Variants in CROCC observed in about 807,000 individuals in gnomAD.
CROCC encodes rootletin.
CROCC carries 180 observed loss-of-function variants against 245.2 expected under a neutral mutation model. The ratio of observed to expected loss-of-function variants is 0.73; its 90% CI spans 0.65 to 0.83. The LOEUF is 0.83. Among genes scored for constraint, CROCC ranks in the 40% least tolerant of loss-of-function variants. CROCC has a pLI of 0.00. For missense variants in CROCC, 2,688 were observed against 2,779.4 expected (o/e 0.97, Z 0.74); for synonymous variants, 1,205 against 1,241.6 (o/e 0.97, Z 0.62).
At chr1:16,962,346 C>A (rs1372916102) in intron 27 of CROCC, among the ~76,000 whole-genome samples, 1 of 150,254 alleles carries the variant, frequency 6.7e-6, no homozygotes, top group South Asian at 2.1e-4. Context: ...GAGATCGAGA[C>A]CACAGTGAAA....
chr1:16,921,141 C>T (rs953046204), upstream of CROCC, among the ~76,000 whole-genome samples: 4 of 152,296 alleles, frequency 2.6e-5, no homozygotes, highest in African/African-American at 9.6e-5. Context: ...TGGGTATGCA[C>T]ACACGATACT....
At chr1:16,943,671 A>G (rs1356934521) in intron 13 of CROCC, among the ~76,000 whole-genome samples, 3 of 152,278 alleles carry the variant, frequency 2.0e-5, no homozygotes, top group Admixed American at 6.5e-5. Context: ...CGTGGCCACC[A>G]TGTGCCTGTG....
rs984444214 is a variant in CROCC at position 16,922,048 on chromosome 1, G to A, written c.30G>A (p.Glu10=). 2 of 1,550,818 alleles carry A rather than the reference G, an allele frequency of 1.3e-6. No individual in the cohort carries two copies. The highest frequency in any genetic ancestry group is 2.0e-5 in the Admixed American group (1 of 50,836). MSLGLAGAQ[E]VELTLETVIQ... ...GCTTGGGGCTGGCGGGGGCACAGGA[G>A]GTGGAGCTGACACTAGAGACGGTTA... The change falls in exon 1 of 37, where the codon GAG becomes GAA. Residue 10 remains glutamate, a synonymous_variant. Coordinates refer to ENST00000375541, the MANE Select transcript of CROCC (RefSeq NM_014675.5).
chr1:16,965,527 C>T, intron 27 of CROCC, among the ~76,000 whole-genome samples, 196 bp from the exon 28 acceptor site: 1 of 152,186 alleles, frequency 6.6e-6, no homozygotes, highest in South Asian at 2.1e-4. Context: ...TGTTCTAGAA[C>T]ATGGGAGATG....
intron 3 of CROCC, among the ~76,000 whole-genome samples, chr1:16,927,663 C>T (rs1557580164): frequency 6.6e-6 from 1 of 152,288 alleles, no homozygotes; most frequent in African/African-American, 2.4e-5. Context: ...TGACAAAATA[C>T]ACCCCACTCG....
At position 16,930,338 on chromosome 1, in the gene CROCC, AGCAGCAGAGGTGAGGGC is replaced by A. The variant is rs752574607; in HGVS notation, c.682_683+15del. On this transcript the variant is annotated splice_donor_variant and splice_donor_5th_base_variant and coding_sequence_variant and intron_variant, in exon 6 of 37. Transcript: ENST00000375541. LOFTEE classifies it high-confidence loss of function. ...AGCGCCCTCATCCGGCTGGAGGAGGAGCAGCAGAGGTGAGGGCGCAGCAGGGAGGGCCAGGGCTGGCA... is the reference window on the plus strand; with the variant it reads ...AGCGCCCTCATCCGGCTGGAGGAGGAGCAGCAGGGAGGGCCAGGGCTGGCA... 29 of 1,610,418 alleles carry A rather than the reference AGCAGCAGAGGTGAGGGC, an allele frequency of 1.8e-5. 1 individual carries two copies. Among genetic ancestry groups the A allele is most frequent in the Admixed American group, 1.0e-4 (6 of 59,728 alleles).
intron 25 of CROCC, among the ~76,000 whole-genome samples, chr1:16,956,821 T>C (rs1015527973): frequency 1.3e-5 from 2 of 152,092 alleles, no homozygotes; most frequent in African/African-American, 4.8e-5. Context: ...ACCCGTGAAT[T>C]CGATGATCTG....
intron 8 of CROCC, among the ~76,000 whole-genome samples, chr1:16,934,211 T>C (rs552028697): frequency 6.6e-6 from 1 of 152,390 alleles, no homozygotes; most frequent in South Asian, 2.1e-4. Context: ...ATTAGAATTC[T>C]GGAATGAGGC....
At position 16,971,402 on chromosome 1, in the gene CROCC, C is replaced by T. The variant is rs894401475; in HGVS notation, c.5785-63C>T. On this transcript the variant is annotated intron_variant, in intron 35 of 36. Transcript: ENST00000375541. ...TGTCCCAGGGAGGTACCTGACAACC[C>T]GTCACACATGCACACACACACTCAC... The T allele has an allele frequency of 2.6e-5, 38 of 1,457,260 alleles. No individual in the cohort carries two copies. In the East Asian group the frequency reaches 5.3e-4, roughly 20 times the overall value. 90.3% of individuals were successfully genotyped at this position (1,457,260 alleles called of 1,614,324 possible).
chr1:16,944,201 G>A lies in CROCC; in HGVS notation c.1910G>A (p.Arg637Gln), dbSNP rs201410489. The change falls in exon 14 of 37, where the codon CGG becomes CAG. Residue 637 changes from arginine to glutamine, a missense_variant. Arg to Gln is a conservative substitution (Grantham distance 43). Transcript: ENST00000375541. The stretch of plus-strand genomic sequence containing the variant: ...CTGCAGGCTGCCCAGGAGGAGCTGC[G>A]GCGCCAGCGGGACCGGCTGGAGGAA... ...EKLQAAQEEL[R>Q]RQRDRLEEEQ... 1,267 of 1,554,922 alleles carry A rather than the reference G, an allele frequency of 8.1e-4. 9 individuals carry two copies. Among genetic ancestry groups the A allele is most frequent in the East Asian group, 3.0e-3 (123 of 41,680 alleles).
chr1:16,937,865 C>T (rs1455680907), intron 10 of CROCC, 128 bp downstream of exon 10: 1 of 800,010 alleles, frequency 1.2e-6, no homozygotes, highest in African/African-American at 1.7e-5. Flanking sequence ...GTTCAGCCCT[C>T]ACAGGTGTGC....
chr1:16,926,450 G>T (rs1350023363), intron 3 of CROCC, among the ~76,000 whole-genome samples: 1 of 152,264 alleles, frequency 6.6e-6, no homozygotes, highest in African/African-American at 2.4e-5. Context: ...AGGTGGCAGT[G>T]CCTGCCCCTG....
Position 16,954,434 on chromosome 1 carries a change from G to A in CROCC, c.3321+77G>A, listed in dbSNP as rs975239397. 6.5e-6 allele frequency: 10 copies of A among 1,527,460 alleles called. No homozygotes were observed. Among genetic ancestry groups the A allele is most frequent in the Middle Eastern group, 2.2e-4 (1 of 4,484 alleles). The allele number at this position is 1,527,460 out of a possible 1,614,324, so 94.6% of individuals were successfully genotyped here. A position where few individuals can be genotyped will look rare whatever the true frequency, so the allele number is the denominator to read the frequency against. ...GGCTGAGGAGCCCCCACCACGGGGC[G>A]GCATGGCCCTGTCCTGGAGAAGCTT... On this transcript the variant is annotated intron_variant, in intron 22 of 36. Coordinates refer to ENST00000375541, the MANE Select transcript of CROCC (RefSeq NM_014675.5). The surrounding 1 kb of genome is among the most constrained non-coding windows in gnomAD (Gnocchi z 4.4).
In CROCC at chr1:16,954,486, CCTT is replaced by C; in HGVS notation, c.3321+133_3321+135del. The C allele has an allele frequency of 1.5e-6, 2 of 1,357,418 alleles. No individual in the cohort carries two copies. Among genetic ancestry groups the C allele is most frequent in the Non-Finnish European group, 2.0e-6 (2 of 1,012,032 alleles). The allele number at this position is 1,357,418 out of a possible 1,614,324, so 84.1% of individuals were successfully genotyped here. On this transcript the variant is annotated intron_variant, in intron 22 of 36. Transcript: ENST00000375541. This position sits in a 1 kb window ranked among gnomAD's most constrained non-coding sequence, Gnocchi z 4.4. ...CAGGCTGTGGGAAAGGAGGTTTAGC[CCTT>C]CTTTTGGGAGCCCCCATCTGAGGGA...
intron 12 of CROCC, among the ~76,000 whole-genome samples, 192 bp from the exon 13 acceptor site, chr1:16,939,701 AG>A (rs2075880367): frequency 2.0e-5 from 3 of 152,314 alleles, no homozygotes; most frequent in Admixed American, 2.0e-4. Flanking sequence ...GAGGGCTCAG[AG>A]GGTGGCGAGG....
rs1411266397 is a variant in CROCC at position 16,936,672 on chromosome 1, C to T, written c.992C>T (p.Thr331Ile). 12 of 1,598,554 alleles carry T rather than the reference C, an allele frequency of 7.5e-6. No homozygotes were observed. Among genetic ancestry groups the T allele is most frequent in the Non-Finnish European group, 1.0e-5 (12 of 1,172,564 alleles). ...LLQLGGELAR[T>I]SRAVQEAGLG... ...CAGCTGGGAGGGGAGCTGGCCCGGA[C>T]ATCACGAGCTGTCCAGGAGGCGGGC... Residue 331 changes from threonine (T) to isoleucine (I), a missense_variant, in exon 9 of 37, where the codon ACA becomes ATA. This residue lies in a region of CROCC where 972 missense variants were observed against 895.3 expected (regional missense o/e 1.09). Transcript: ENST00000375541.
chr1:16,961,089 G>C lies in CROCC; in HGVS notation c.4364G>C (p.Arg1455Pro). ...GGTCGCGCGCCCAGCCCAGCCCCGC[G>C]GCCAGTGCCCGGTTCCCCTGCCCGG... is the stretch of plus-strand genomic sequence containing the variant. ...GLGRAPSPAP[R>P]PVPGSPARDA... The change falls in exon 27 of 37, where the codon CGG becomes CCG. Residue 1455 changes from arginine (R) to proline (P), a missense_variant. By Grantham distance (103) the Arg-to-Pro change is moderately radical. Transcript: ENST00000375541. 7.3e-7 allele frequency: 1 copy of C among 1,361,410 alleles called. No homozygotes were observed. Among genetic ancestry groups the C allele is most frequent in the Non-Finnish European group, 9.4e-7 (1 of 1,060,176 alleles). 84.3% of individuals were successfully genotyped at this position (1,361,410 alleles called of 1,614,324 possible).
intron 27 of CROCC, 104 bp downstream of exon 27, chr1:16,961,234 C>G (rs2076328662): frequency 2.6e-6 from 3 of 1,148,746 alleles, no homozygotes; most frequent in South Asian, 6.8e-5. Context: ...TGTTTTTTTT[C>G]AAGGAGCCCA....
chr1:16,921,043 T>C (rs1363199938), upstream of CROCC, among the ~76,000 whole-genome samples: 1 of 152,280 alleles, frequency 6.6e-6, no homozygotes, highest in African/African-American at 2.4e-5. Context: ...TGCGCCTGGC[T>C]GGGACTGTAC....
Sources: gnomAD v4.1 joint callset for allele counts (sites outside exome capture counted in the v4.1 genomes callset) on GRCh38, gnomAD v4.1.1 for gene constraint, gnomAD v4.1.1 regional missense constraint, Gnocchi (gnomAD v3.1) non-coding constraint, MANE v1.5 for transcripts, NCBI Gene and HGNC (gene_info 2026-07-23, HGNC 2026-07-21) for gene names.